The following SYNE3 variants were observed in gnomAD, a reference collection of about 807,000 sequenced individuals.
SYNE3 encodes nesprin-3.
In SYNE3, 100 loss-of-function variants were observed where a neutral mutation model predicts 111.2. The ratio of observed to expected loss-of-function variants is 0.90; its 90% CI spans 0.77 to 1.06. SYNE3 has a LOEUF of 1.06. SYNE3 is among the 50% of genes least tolerant of loss of function. SYNE3 has a pLI of 0.00. For synonymous variants in SYNE3, 547 were observed against 533.9 expected, an observed-to-expected ratio of 1.02 and a Z score of -0.34; for missense variants, 1,160 against 1,240.3, an observed-to-expected ratio of 0.94 and a Z score of 0.97.
chr14:95,501,330 G>T (rs1490642816), intron 1 of SYNE3, among the ~76,000 whole-genome samples: 2 of 152,176 alleles, frequency 1.3e-5, no homozygotes, highest in East Asian at 3.8e-4. Flanking sequence ...TACCAATCTT[G>T]TCCATGACTC....
At position 95,451,870 on chromosome 14, in the gene SYNE3, T is replaced by C. The variant is rs147926261; in HGVS notation, c.1274+377A>G. 5.8e-3 allele frequency: 935 copies of C among 160,348 alleles called. 17 individuals are homozygous for C. Among genetic ancestry groups the C allele is most frequent in the African/African-American group, 0.021 (863 of 41,950 alleles). The allele number at this position is 160,348 out of a possible 1,614,324, so 9.9% of individuals were successfully genotyped here. On this transcript the variant is annotated intron_variant, in intron 7 of 17. Transcript: ENST00000682763. ...CGGGGGCTGAGGGACACGTGGAGGC[T>C]GGTCTGGAGACGGCTCAGATGTTGA...
intron 17 of SYNE3, among the ~76,000 whole-genome samples, chr14:95,428,823 T>C (rs1220854059): frequency 6.6e-6 from 1 of 152,220 alleles, no homozygotes. Flanking sequence ...ATTCTGTTGA[T>C]ACAAACAAGC....
chr14:95,437,828 T>C (rs573445429), intron 14 of SYNE3: 14 of 152,240 alleles, frequency 9.2e-5, no homozygotes, highest in African/African-American at 2.9e-4. Context: ...TTATAAAATA[T>C]AGTCATGGCA....
At chr14:95,491,157 C>T (rs775134116) in intron 1 of SYNE3, among the ~76,000 whole-genome samples, 11 of 152,066 alleles carry the variant, frequency 7.2e-5, no homozygotes, top group East Asian at 1.9e-4. Flanking sequence ...GTAAGCCTCA[C>T]GGGATGACAG....
intron 1 of SYNE3, among the ~76,000 whole-genome samples, chr14:95,513,151 C>G (rs943529155): frequency 6.6e-6 from 1 of 152,140 alleles, no homozygotes; most frequent in Non-Finnish European, 1.5e-5. Context: ...GTAACTGCCC[C>G]CCCGACTCTC....
At position 95,436,998 on chromosome 14, in the gene SYNE3, G is replaced by A. The variant is rs202043284; in HGVS notation, c.2377-17C>T. ...AAGATTTGCCTGTAGGATCACACAC[G>A]GCCAAAGCGTCAGAGGTGAAAGAGC... On this transcript the variant is annotated splice_polypyrimidine_tract_variant and intron_variant, in intron 14 of 17. Coordinates refer to ENST00000682763, the MANE Select transcript of SYNE3 (RefSeq NM_152592.6). The A allele has an allele frequency of 3.7e-5, 60 of 1,613,950 alleles. No homozygotes were observed. The East Asian group carries it at 5.3e-4, about 14-fold the overall frequency.
intron 1 of SYNE3, among the ~76,000 whole-genome samples, chr14:95,501,924 G>A (rs978616688): frequency 2.9e-4 from 44 of 152,122 alleles, no homozygotes; most frequent in African/African-American, 9.9e-4. Flanking sequence ...AGACTCTTGC[G>A]GGGGCACACA....
At chr14:95,427,827 C>T (rs1885525833) in intron 17 of SYNE3, among the ~76,000 whole-genome samples, 1 of 152,176 alleles carries the variant, frequency 6.6e-6, no homozygotes, top group Non-Finnish European at 1.5e-5. Flanking sequence ...TGTCTTGTGT[C>T]TTTATTTCTA....
chr14:95,497,344 G>A (rs527428499), intron 1 of SYNE3, among the ~76,000 whole-genome samples: 6 of 152,236 alleles, frequency 3.9e-5, no homozygotes, highest in African/African-American at 9.6e-5. Context: ...CAGATCTGAA[G>A]ACTAGGTGAG....
In SYNE3 at chr14:95,457,471, G is replaced by T. The variant is rs966503108; in HGVS notation, c.628-133C>A. Reference sequence around the variant, plus strand: ...TAGCAGGGGGTGCAACCAACCTCTAGCCCTTTCTCTAGACACAAAGAGCTC... The same window carrying T: ...TAGCAGGGGGTGCAACCAACCTCTATCCCTTTCTCTAGACACAAAGAGCTC... On this transcript the variant is annotated intron_variant, in intron 4 of 17. Transcript: ENST00000682763. 3 of 910,992 alleles carry T rather than the reference G, an allele frequency of 3.3e-6. No individual in the cohort carries two copies. The Admixed American group carries it at 7.8e-5, about 24-fold the overall frequency. The allele number at this position is 910,992 out of a possible 1,614,324, so 56.4% of individuals were successfully genotyped here. A position where few individuals can be genotyped will look rare whatever the true frequency, so the allele number is the denominator to read the frequency against.
intron 1 of SYNE3, among the ~76,000 whole-genome samples, chr14:95,489,157 C>T (rs1889710460): frequency 6.6e-6 from 1 of 152,214 alleles, no homozygotes; most frequent in Non-Finnish European, 1.5e-5. Context: ...TCTCTGAGGA[C>T]AGAACCAAGC....
intron 2 of SYNE3, among the ~76,000 whole-genome samples, chr14:95,473,521 C>T (rs891256053): frequency 6.6e-6 from 1 of 151,952 alleles, no homozygotes; most frequent in Non-Finnish European, 1.5e-5. Flanking sequence ...ACACCCAGAC[C>T]CACACAAAAA....
At chr14:95,433,688 C>T (rs919275336) in intron 15 of SYNE3, among the ~76,000 whole-genome samples, 2 of 152,234 alleles carry the variant, frequency 1.3e-5, no homozygotes, top group South Asian at 2.1e-4. Context: ...CCAAGTCCTC[C>T]AGAGGGCTTG....
At chr14:95,515,150 G>T (rs1736199994) in intron 1 of SYNE3, among the ~76,000 whole-genome samples, 1 of 152,200 alleles carries the variant, frequency 6.6e-6, no homozygotes, top group Admixed American at 6.5e-5. Flanking sequence ...ACGAGTTCCA[G>T]AAATAAGACA....
intron 8 of SYNE3, among the ~76,000 whole-genome samples, chr14:95,446,848 CT>C (rs1282523277): frequency 6.6e-6 from 1 of 152,218 alleles, no homozygotes; most frequent in Admixed American, 6.5e-5. Context: ...AATCACTCTT[CT>C]TGCCCCCAAA....
intron 2 of SYNE3, among the ~76,000 whole-genome samples, chr14:95,469,058 G>A (rs1360377449): frequency 3.3e-5 from 5 of 152,118 alleles, no homozygotes; most frequent in Admixed American, 2.0e-4. Flanking sequence ...AGCCCACACC[G>A]CAACCCAGTC....
intron 1 of SYNE3, among the ~76,000 whole-genome samples, chr14:95,509,787 G>A (rs1252778248): frequency 6.6e-6 from 1 of 152,218 alleles, no homozygotes; most frequent in Non-Finnish European, 1.5e-5. Context: ...ATGCCTTGGT[G>A]ATCACCACAC....
At chr14:95,511,236 C>A (rs1466435046) in intron 1 of SYNE3, among the ~76,000 whole-genome samples, 1 of 152,206 alleles carries the variant, frequency 6.6e-6, no homozygotes, top group Non-Finnish European at 1.5e-5. Flanking sequence ...TCAAGTACGC[C>A]TGCAAAAAAT....
rs952882995 is a variant in SYNE3, at chr14:95,415,455, C to T, written c.*2371G>A. 8 of 152,118 alleles carry T rather than the reference C, an allele frequency of 5.3e-5. No individual in the cohort carries two copies. Among genetic ancestry groups the T allele is most frequent in the Non-Finnish European group, 1.0e-4 (7 of 68,030 alleles). 9.4% of individuals were successfully genotyped at this position (152,118 alleles called of 1,614,324 possible). ...TGTGCTTTCTCTTCTTCCATGAAAT[C>T]ACAAATTTCTCTAGATATTTGGAAA... On this transcript the variant is annotated 3_prime_UTR_variant, in exon 18 of 18. Coordinates refer to ENST00000682763, the MANE Select transcript of SYNE3 (RefSeq NM_152592.6).
Sources: allele counts gnomAD v4.1 joint callset (sites outside exome capture counted in the v4.1 genomes callset), GRCh38; gene constraint gnomAD v4.1.1; transcripts MANE v1.5; gene names NCBI Gene and HGNC (gene_info 2026-07-23, HGNC 2026-07-21).